The following CDH13 variants were observed in gnomAD, a reference collection of about 807,000 sequenced individuals.
CDH13 encodes the protein cadherin 13.
CDH13 carries 24 observed loss-of-function variants against 63.8 expected under a neutral mutation model. That is an observed-to-expected ratio of 0.38 (90% CI 0.27 to 0.53). CDH13 has a LOEUF of 0.53. Among genes scored for constraint, CDH13 ranks in the 20% least tolerant of loss-of-function variants. The pLI, the probability that CDH13 is intolerant of heterozygous loss-of-function variation, is 0.85. For synonymous variants in CDH13, 503 were observed against 355.3 expected, an observed-to-expected ratio of 1.42 and a Z score of -4.67; for missense variants, 1,049 against 903.1, an observed-to-expected ratio of 1.16 and a Z score of -2.07.
At chr16:82,665,477 G>T in intron 1 of CDH13, among the ~76,000 whole-genome samples, 1 of 152,100 alleles carries the variant, frequency 6.6e-6, no homozygotes, top group East Asian at 1.9e-4. Flanking sequence ...AGGAGCAATG[G>T]TTCAATATAT....
At chr16:82,872,585 T>C (rs1013048301) in intron 2 of CDH13, among the ~76,000 whole-genome samples, 2 of 151,428 alleles carry the variant, frequency 1.3e-5, no homozygotes, top group African/African-American at 4.9e-5. Flanking sequence ...CTGTTACAGA[T>C]CAAATCTACA....
intron 2 of CDH13, among the ~76,000 whole-genome samples, chr16:82,959,009 T>C (rs1040617360): frequency 1.3e-5 from 2 of 152,230 alleles, no homozygotes; most frequent in Non-Finnish European, 2.9e-5. Flanking sequence ...GTTGCTGAAA[T>C]CTACATCAGA....
At chr16:83,594,588 G>A (rs1406979141) in intron 7 of CDH13, among the ~76,000 whole-genome samples, 6 of 152,190 alleles carry the variant, frequency 3.9e-5, no homozygotes, top group African/African-American at 1.4e-4. Flanking sequence ...AAAAAGTGGG[G>A]TACCATGGAA....
intron 4 of CDH13, among the ~76,000 whole-genome samples, chr16:83,196,921 C>A (rs991860062): frequency 6.6e-6 from 1 of 152,136 alleles, no homozygotes; most frequent in East Asian, 1.9e-4. Context: ...CCATGGAACC[C>A]AGCAATTGCA....
At chr16:82,663,184 T>C (rs141450963) in intron 1 of CDH13, among the ~76,000 whole-genome samples, 16 of 152,020 alleles carry the variant, frequency 1.1e-4, no homozygotes, top group African/African-American at 3.6e-4. Flanking sequence ...AGGTTTTTTG[T>C]TTGTTTGTTT....
chr16:83,212,438 T>G (rs2039366595), intron 4 of CDH13, among the ~76,000 whole-genome samples: 1 of 152,284 alleles, frequency 6.6e-6, no homozygotes, highest in East Asian at 1.9e-4. Flanking sequence ...ACTTTCATGC[T>G]TTCCTCGCCA....
chr16:82,712,552 C>G (rs1282123304), intron 1 of CDH13, among the ~76,000 whole-genome samples: 1 of 152,158 alleles, frequency 6.6e-6, no homozygotes, highest in Non-Finnish European at 1.5e-5. Context: ...TACCCTGTGC[C>G]CCACCTATCA....
At chr16:82,867,506 C>G (rs909796317) in intron 2 of CDH13, among the ~76,000 whole-genome samples, 1 of 152,176 alleles carries the variant, frequency 6.6e-6, no homozygotes, top group African/African-American at 2.4e-5. Context: ...TTTCCACCCT[C>G]TCTGTTAGTT....
At chr16:83,151,562 C>G (rs919425508) in intron 4 of CDH13, among the ~76,000 whole-genome samples, 6 of 152,088 alleles carry the variant, frequency 3.9e-5, no homozygotes, top group African/African-American at 1.4e-4. Context: ...ACAAGAAGTT[C>G]TAGAGAGTAT....
intron 8 of CDH13, among the ~76,000 whole-genome samples, chr16:83,633,590 G>A (rs1212970538): frequency 6.6e-6 from 1 of 152,102 alleles, no homozygotes; most frequent in Non-Finnish European, 1.5e-5. Flanking sequence ...CTCTTACTTT[G>A]CGTCTATCAT....
At chr16:82,796,013 G>T in intron 1 of CDH13, among the ~76,000 whole-genome samples, 1 of 150,862 alleles carries the variant, frequency 6.6e-6, no homozygotes, top group East Asian at 1.9e-4. Context: ...AATGCTTTTG[G>T]GCCTGGGATA....
At chr16:82,754,337 T>C (rs2325683) in intron 1 of CDH13, among the ~76,000 whole-genome samples, 5,685 of 152,236 alleles carry the variant, frequency 0.037, 133 homozygotes, top group Non-Finnish European at 0.056. Flanking sequence ...AATGAATAAA[T>C]GATTGTTGAA....
At position 83,072,401 on chromosome 16, in the gene CDH13, C is replaced by A. The variant is rs78974982; in HGVS notation, c.366+40183C>A. 3.7e-3 allele frequency among the ~76,000 whole-genome samples: 569 copies of A among 152,304 alleles called. 6 individuals are homozygous for A. Among genetic ancestry groups the A allele is most frequent in the African/African-American group, 0.013 (539 of 41,566 alleles). The stretch of plus-strand genomic sequence containing the variant: ...CATGTACATTACAATATGATCCTGT[C>A]TTCCAGACCATAAACACAATTAGTT... On this transcript the variant is annotated intron_variant, in intron 3 of 13. Coordinates refer to ENST00000567109, the MANE Select transcript of CDH13 (RefSeq NM_001257.5).
chr16:83,110,723 C>A (rs1018990480), intron 3 of CDH13, among the ~76,000 whole-genome samples: 1 of 152,022 alleles, frequency 6.6e-6, no homozygotes, highest in Non-Finnish European at 1.5e-5. Flanking sequence ...TGGATCCAAC[C>A]AGCTTTTGTT....
At chr16:83,058,448 C>G (rs554371775) in intron 3 of CDH13, among the ~76,000 whole-genome samples, 4 of 152,146 alleles carry the variant, frequency 2.6e-5, no homozygotes, top group African/African-American at 4.8e-5. Flanking sequence ...ATTCATTTCC[C>G]CTTTTCCCAA....
intron 2 of CDH13, among the ~76,000 whole-genome samples, chr16:82,895,786 G>A (rs1048604291): frequency 6.6e-6 from 1 of 151,864 alleles, no homozygotes; most frequent in Non-Finnish European, 1.5e-5. Context: ...AGCTTTAAGG[G>A]AGGCACTCAG....
At chr16:82,933,322 C>A (rs2042558238) in intron 2 of CDH13, among the ~76,000 whole-genome samples, 1 of 152,032 alleles carries the variant, frequency 6.6e-6, no homozygotes, top group Admixed American at 6.5e-5. Context: ...GGAGAAAAGC[C>A]CCCTATAAAA....
intron 6 of CDH13, among the ~76,000 whole-genome samples, chr16:83,442,629 G>A (rs1386262362): frequency 6.6e-6 from 1 of 152,030 alleles, no homozygotes; most frequent in African/African-American, 2.4e-5. Flanking sequence ...ATATTTTTCT[G>A]GACTAGATGT....
chr16:82,646,046 A>T (rs1436656429), intron 1 of CDH13, among the ~76,000 whole-genome samples: 1 of 152,222 alleles, frequency 6.6e-6, no homozygotes, highest in East Asian at 1.9e-4. Flanking sequence ...AAAGTCTGGG[A>T]TCTTCAAGAG....
Sources: gnomAD v4.1 joint callset for allele counts (sites outside exome capture counted in the v4.1 genomes callset) on GRCh38, gnomAD v4.1.1 for gene constraint, MANE v1.5 for transcripts, NCBI Gene and HGNC (gene_info 2026-07-23, HGNC 2026-07-21) for gene names.